The following KAT6A variants were observed in gnomAD, a reference collection of about 807,000 sequenced individuals.
The protein encoded by KAT6A is histone acetyltransferase KAT6A.
KAT6A carries 9 observed loss-of-function variants against 198.4 expected under a neutral mutation model. The ratio of observed to expected loss-of-function variants is 0.05; its 90% CI spans 0.03 to 0.08. The LOEUF is 0.08. KAT6A is among the 10% of genes least tolerant of loss of function. KAT6A has a pLI of 1.00. For synonymous variants in KAT6A, 890 were observed against 883.0 expected (o/e 1.01, Z -0.14); for missense variants, 2,077 against 2,509.9 (o/e 0.83, Z 3.69).
chr8:41,958,467 G>A (rs903595695), intron 8 of KAT6A: 5 of 152,168 alleles, frequency 3.3e-5, no homozygotes, highest in Non-Finnish European at 5.9e-5. Flanking sequence ...GAGATGTGAC[G>A]GAAGTAACGA....
intron 2 of KAT6A, among the ~76,000 whole-genome samples, chr8:42,006,920 C>T (rs1188418219): frequency 7.0e-6 from 1 of 142,350 alleles, no homozygotes; most frequent in Non-Finnish European, 1.5e-5. Flanking sequence ...CACTTGAACC[C>T]GGGAGGCAGA....
intron 8 of KAT6A, among the ~76,000 whole-genome samples, chr8:41,969,060 CTA>C (rs1169986065): frequency 1.3e-5 from 2 of 152,142 alleles, no homozygotes; most frequent in Non-Finnish European, 2.9e-5. Flanking sequence ...AGAACAGAAA[CTA>C]TGTCCTTCTG....
At chr8:42,039,315 G>A (rs1827526794) in intron 2 of KAT6A, among the ~76,000 whole-genome samples, 2 of 152,090 alleles carry the variant, frequency 1.3e-5, no homozygotes, top group South Asian at 4.1e-4. Flanking sequence ...ATAATTTTAA[G>A]AAACACTCTC....
intron 5 of KAT6A, 34 bp from the exon 6 acceptor site, chr8:41,978,811 A>G: frequency 6.3e-7 from 1 of 1,597,956 alleles, no homozygotes; most frequent in Non-Finnish European, 8.6e-7. Flanking sequence ...TAGAAGTGTG[A>G]CAGACATAAA....
intron 10 of KAT6A, among the ~76,000 whole-genome samples, chr8:41,948,904 T>A (rs964179528): frequency 7.0e-6 from 1 of 143,268 alleles, no homozygotes; most frequent in Non-Finnish European, 1.5e-5. Flanking sequence ...AGGTCACACA[T>A]CATCATCATC....
At chr8:41,982,038 G>T in intron 3 of KAT6A, 84 bp from the exon 4 acceptor site, 1 of 770,750 alleles carries the variant, frequency 1.3e-6, no homozygotes, top group South Asian at 1.5e-5. Context: ...GTAGAAAAAG[G>T]CAATCATCTT....
In KAT6A at chr8:41,941,228, T is replaced by C; in HGVS notation, c.2653A>G (p.Lys885Glu). Residue 885 changes from lysine to glutamate, a missense_variant, in exon 15 of 17, where the codon AAA becomes GAA. Coordinates refer to ENST00000265713, the MANE Select transcript of KAT6A (RefSeq NM_006766.5). ...GAAGACGTCTCTTCCAAGAGCAGTT[T>C]AGAATCTTTATCACCAAAACGTTCC... ...TQERFGDKDS[K>E]LLLEETSSAP... The C allele has an allele frequency of 1.9e-6, 3 of 1,614,210 alleles. No individual in the cohort carries two copies. Among genetic ancestry groups the C allele is most frequent in the Non-Finnish European group, 2.5e-6 (3 of 1,180,042 alleles).
At chr8:42,025,022 A>T (rs1052736242) in intron 2 of KAT6A, among the ~76,000 whole-genome samples, 1 of 152,240 alleles carries the variant, frequency 6.6e-6, no homozygotes, top group Non-Finnish European at 1.5e-5. Flanking sequence ...AAATCTCCAT[A>T]CTGTTCTCCA....
intron 8 of KAT6A, among the ~76,000 whole-genome samples, chr8:41,955,839 A>T (rs531066237): frequency 1.1e-4 from 16 of 152,348 alleles, no homozygotes; most frequent in African/African-American, 3.8e-4. Context: ...GAGATGCCCT[A>T]CTGAATATGT....
chr8:42,032,428 G>A (rs1447293137), intron 2 of KAT6A, among the ~76,000 whole-genome samples: 1 of 152,106 alleles, frequency 6.6e-6, no homozygotes, highest in Non-Finnish European at 1.5e-5. Context: ...TAAAGTTTTA[G>A]GGGAACAGAT....
At chr8:41,943,118 G>T (rs996987974) in intron 13 of KAT6A, 118 bp from the exon 14 acceptor site, 2 of 1,306,708 alleles carry the variant, frequency 1.5e-6, no homozygotes, top group Admixed American at 4.4e-5. Context: ...AAGATAGCCT[G>T]CCTGGGACGA....
intron 2 of KAT6A, among the ~76,000 whole-genome samples, chr8:42,023,162 A>G (rs550190435): frequency 5.3e-5 from 8 of 152,332 alleles, no homozygotes; most frequent in South Asian, 2.1e-4. Context: ...AATACAATAT[A>G]TAAGATTTTT....
At chr8:41,984,010 C>T (rs1406355081) in intron 3 of KAT6A, among the ~76,000 whole-genome samples, 1 of 152,190 alleles carries the variant, frequency 6.6e-6, no homozygotes, top group Non-Finnish European at 1.5e-5. Context: ...TGGCCCTTTG[C>T]CATATTTAAA....
At chr8:41,997,083 G>A (rs1246869205) in intron 2 of KAT6A, among the ~76,000 whole-genome samples, 3 of 152,138 alleles carry the variant, frequency 2.0e-5, no homozygotes, top group South Asian at 2.1e-4. Context: ...TGATGGAAAC[G>A]TTCTGAATGG....
At chr8:42,024,977 T>C (rs377727604) in intron 2 of KAT6A, among the ~76,000 whole-genome samples, 52 of 152,190 alleles carry the variant, frequency 3.4e-4, no homozygotes, top group African/African-American at 1.3e-3. Context: ...GTGGAACTGC[T>C]GGATCATATG....
intron 2 of KAT6A, among the ~76,000 whole-genome samples, chr8:42,030,508 C>A (rs1167185711): frequency 6.6e-6 from 1 of 152,112 alleles, no homozygotes; most frequent in African/African-American, 2.4e-5. Context: ...GTCCTCTAGT[C>A]ACCCATCTTT....
At chr8:42,006,213 C>T (rs1037282750) in intron 2 of KAT6A, among the ~76,000 whole-genome samples, 1 of 152,170 alleles carries the variant, frequency 6.6e-6, no homozygotes, top group African/African-American at 2.4e-5. Context: ...AGGACAGTTT[C>T]CTGTTCTTAG....
chr8:42,022,104 A>G (rs1460473850), intron 2 of KAT6A, among the ~76,000 whole-genome samples: 1 of 152,178 alleles, frequency 6.6e-6, no homozygotes, highest in African/African-American at 2.4e-5. Context: ...AACACAGACA[A>G]TCTTCTTTAA....
chr8:41,969,190 G>GT (rs1823657546), intron 8 of KAT6A, among the ~76,000 whole-genome samples: 1 of 152,152 alleles, frequency 6.6e-6, no homozygotes, highest in Admixed American at 6.5e-5. Context: ...TGATGCTGCT[G>GT]TAAGACTACC....
Sources: gnomAD v4.1 joint callset for allele counts (sites outside exome capture counted in the v4.1 genomes callset) on GRCh38, gnomAD v4.1.1 for gene constraint, MANE v1.5 for transcripts, NCBI Gene and HGNC (gene_info 2026-07-23, HGNC 2026-07-21) for gene names.